RXFP2: variants seen among roughly 807,000 people sequenced by gnomAD.
RXFP2 encodes the protein relaxin family peptide receptor 2.
RXFP2 carries 68 observed loss-of-function variants against 88.6 expected under a neutral mutation model. The ratio of observed to expected loss-of-function variants is 0.77; its 90% CI spans 0.63 to 0.94. The LOEUF (loss-of-function observed/expected upper bound fraction) is 0.94. RXFP2 is among the 40% of genes least tolerant of loss of function. The pLI, the probability that RXFP2 is intolerant of heterozygous loss-of-function variation, is 0.00. For synonymous variants in RXFP2, 329 were observed against 306.8 expected, an observed-to-expected ratio of 1.07 and a Z score of -0.76; for missense variants, 791 against 893.9, an observed-to-expected ratio of 0.88 and a Z score of 1.47.
intron 11 of RXFP2, among the ~76,000 whole-genome samples, chr13:31,784,031 T>TG (rs1873410777): frequency 6.8e-6 from 1 of 147,934 alleles, no homozygotes. Flanking sequence ...TTCACCATGT[T>TG]GGCCAGGCTG....
chr13:31,769,937 C>T (rs1872677572), intron 5 of RXFP2, among the ~76,000 whole-genome samples: 1 of 152,164 alleles, frequency 6.6e-6, no homozygotes, highest in Non-Finnish European at 1.5e-5. Flanking sequence ...CTACCTTCAC[C>T]CAGGTCATGG....
intron 2 of RXFP2, among the ~76,000 whole-genome samples, chr13:31,760,732 G>T (rs7325059): frequency 0.53 from 79,848 of 151,632 alleles, 21,297 homozygotes; most frequent in Admixed American, 0.6. Flanking sequence ...TATTTTAATT[G>T]ATTTAGGTAT....
chr13:31,751,651 G>A (rs1445746286), intron 1 of RXFP2, among the ~76,000 whole-genome samples: 1 of 152,222 alleles, frequency 6.6e-6, no homozygotes, highest in Non-Finnish European at 1.5e-5. Context: ...GCCAGTGAAA[G>A]TTCCATGGGA....
At chr13:31,754,956 C>A (rs1871866957) in intron 1 of RXFP2, among the ~76,000 whole-genome samples, 2 of 152,156 alleles carry the variant, frequency 1.3e-5, no homozygotes, top group Non-Finnish European at 2.9e-5. Flanking sequence ...TATTTTCTTA[C>A]ATTGTATGGA....
chr13:31,769,321 A>G (rs1872655499), intron 5 of RXFP2, among the ~76,000 whole-genome samples: 1 of 152,132 alleles, frequency 6.6e-6, no homozygotes, highest in Non-Finnish European at 1.5e-5. Context: ...AAAGCTTCCC[A>G]TCATTCCTAA....
chr13:31,796,038 C>CTTTTTTTTTTTTTT (rs776535132), intron 16 of RXFP2, among the ~76,000 whole-genome samples: 2 of 36,980 alleles, frequency 5.4e-5, no homozygotes, highest in African/African-American at 1.2e-4. Flanking sequence ...ATGTGTTATT[C>CTTTTTTTTTTTTTT]TTTTTTTTTT....
intron 1 of RXFP2, among the ~76,000 whole-genome samples, chr13:31,756,294 T>C (rs1368328458): frequency 6.6e-6 from 1 of 152,224 alleles, no homozygotes; most frequent in Non-Finnish European, 1.5e-5. Flanking sequence ...CGTGCCTTCG[T>C]GTTCTCAGTC....
chr13:31,764,137 G>A (rs780630671), intron 3 of RXFP2, among the ~76,000 whole-genome samples: 10 of 152,018 alleles, frequency 6.6e-5, no homozygotes, highest in Non-Finnish European at 1.5e-4. Context: ...AGCTCTATCA[G>A]TACAAATATT....
At position 31,791,367 on chromosome 13, in the gene RXFP2, G is replaced by A. The variant is rs112326147; in HGVS notation, c.1146-439G>A. Among the ~76,000 whole-genome samples, 1,274 of 152,246 alleles carry A rather than the reference G, an allele frequency of 8.4e-3. 11 individuals are homozygous for A. Among genetic ancestry groups the A allele is most frequent in the Non-Finnish European group, 0.014 (921 of 68,014 alleles). On this transcript the variant is annotated intron_variant, in intron 14 of 17. Coordinates refer to ENST00000298386, the MANE Select transcript of RXFP2 (RefSeq NM_130806.5). ...AGGCTAGTTAAAGTCAGTAGACCTC[G>A]GTGTTTAAAACTCAGGACAAGACAG...
chr13:31,764,243 TCACACACACACACA>T (rs56132108), intron 3 of RXFP2, among the ~76,000 whole-genome samples: 464 of 131,772 alleles, frequency 3.5e-3, no homozygotes, highest in Middle Eastern at 0.016. Context: ...TCTCTCTCTT[TCACACACACACACA>T]CACACACACA....
intron 5 of RXFP2, among the ~76,000 whole-genome samples, chr13:31,773,701 A>C (rs1324551018): frequency 6.6e-6 from 1 of 152,156 alleles, no homozygotes; most frequent in African/African-American, 2.4e-5. Context: ...TCTGCTAGGA[A>C]ATAATCATGG....
At chr13:31,782,140 C>T (rs1339930301) in intron 10 of RXFP2, among the ~76,000 whole-genome samples, 1 of 152,054 alleles carries the variant, frequency 6.6e-6, no homozygotes, top group African/African-American at 2.4e-5. Context: ...AAAAAAAAAT[C>T]ATAATTTCAT....
rs553734605 is a variant in RXFP2, at chr13:31,749,195, A to G, written c.95-9063A>G. On this transcript the variant is annotated intron_variant, in intron 1 of 17. Transcript: ENST00000298386. ...CCTTTCATATTTCAACCTATTATCTATCTAGAATTGAGCATCACCTCGCCT... is the reference window on the plus strand; with the variant it reads ...CCTTTCATATTTCAACCTATTATCTGTCTAGAATTGAGCATCACCTCGCCT... Among the ~76,000 whole-genome samples, 8 of 152,210 alleles carry G rather than the reference A, an allele frequency of 5.3e-5. No homozygotes were observed. The East Asian group carries it at 1.5e-3, about 29-fold the overall frequency.
intron 11 of RXFP2, among the ~76,000 whole-genome samples, chr13:31,783,125 A>G (rs1873365375): frequency 6.6e-6 from 1 of 152,198 alleles, no homozygotes; most frequent in South Asian, 2.1e-4. Flanking sequence ...AATAATATTA[A>G]TTCCTTATAA....
intron 16 of RXFP2, among the ~76,000 whole-genome samples, chr13:31,795,895 G>A (rs1390559101): frequency 6.6e-6 from 1 of 152,092 alleles, no homozygotes; most frequent in African/African-American, 2.4e-5. Flanking sequence ...GGGCCCAAAA[G>A]AATAATTCAC....
intron 7 of RXFP2, among the ~76,000 whole-genome samples, chr13:31,775,939 G>C (rs1242817642): frequency 6.6e-6 from 1 of 152,224 alleles, no homozygotes; most frequent in Admixed American, 6.5e-5. Context: ...ATTTTCTGCA[G>C]GTTGGCCTGG....
intron 1 of RXFP2, among the ~76,000 whole-genome samples, chr13:31,751,683 G>A (rs1157692208): frequency 6.6e-6 from 1 of 152,184 alleles, no homozygotes; most frequent in Non-Finnish European, 1.5e-5. Context: ...ATGAATCAGA[G>A]AAGAATTAAA....
At chr13:31,783,398 T>A (rs9549084) in intron 11 of RXFP2, among the ~76,000 whole-genome samples, 91,672 of 152,098 alleles carry the variant, frequency 0.6, 27,802 homozygotes, top group East Asian at 0.77. Flanking sequence ...CACATAGCAG[T>A]GATTAGGATA....
chr13:31,766,853 T>C (rs1399757896), intron 5 of RXFP2, among the ~76,000 whole-genome samples: 2 of 152,198 alleles, frequency 1.3e-5, no homozygotes. Context: ...CAGGTTCGTG[T>C]ATCAGTCATT....
Sources: gnomAD v4.1 joint callset for allele counts (sites outside exome capture counted in the v4.1 genomes callset) on GRCh38, gnomAD v4.1.1 for gene constraint, MANE v1.5 for transcripts, NCBI Gene and HGNC (gene_info 2026-07-23, HGNC 2026-07-21) for gene names.